Variants in SEMA6D observed in about 807,000 individuals in gnomAD.
SEMA6D encodes the protein semaphorin 6D.
A neutral mutation model predicts 106.6 loss-of-function variants in SEMA6D; 35 were observed. The observed-to-expected ratio is 0.33, with a 90% CI of 0.25 to 0.44. SEMA6D has a LOEUF of 0.44. Ranked by LOEUF, SEMA6D falls within the 20% of genes least tolerant of loss-of-function variation. The pLI is 1.00. For missense variants in SEMA6D, 1,185 were observed against 1,345.9 expected, an observed-to-expected ratio of 0.88 and a Z score of 1.87; for synonymous variants, 499 against 487.7, an observed-to-expected ratio of 1.02 and a Z score of -0.31.
At chr15:47,481,845 A>G (rs2141306451) in intron 3 of SEMA6D, among the ~76,000 whole-genome samples, 1 of 152,276 alleles carries the variant, frequency 6.6e-6, no homozygotes, top group East Asian at 1.9e-4. Flanking sequence ...AAATTATGTT[A>G]AGACTGAACA....
chr15:47,294,166 CA>C (rs1237403942), intron 1 of SEMA6D, among the ~76,000 whole-genome samples: 3 of 149,032 alleles, frequency 2.0e-5, no homozygotes, highest in South Asian at 2.1e-4. Flanking sequence ...GAAGGAAAAA[CA>C]AAAAAAAAGA....
intron 2 of SEMA6D, among the ~76,000 whole-genome samples, chr15:47,439,581 T>A (rs1169379947): frequency 2.0e-5 from 3 of 152,168 alleles, no homozygotes; most frequent in Admixed American, 6.6e-5. Context: ...CCATGGTGTA[T>A]CTTTTCATTA....
intron 1 of SEMA6D, among the ~76,000 whole-genome samples, chr15:47,232,524 AGGGT>A (rs1289800784): frequency 4.2e-5 from 2 of 47,890 alleles, no homozygotes; most frequent in South Asian, 3.0e-3. Context: ...CTATGGGGGG[AGGGT>A]GTGTGTGTGT....
rs192776284 is a variant in SEMA6D, at chr15:47,341,851, G to A, written c.-238-70542G>A. ...GGAAGGTCAGTTTCCCCAATAGTGA[G>A]CTCATTTTTAGTTTGCCTCCCACCC... On this transcript the variant is annotated intron_variant, in intron 1 of 19. Transcript: ENST00000558014. Among the ~76,000 whole-genome samples, 705 of 152,120 alleles carry A rather than the reference G, an allele frequency of 4.6e-3. 17 individuals carry two copies. Among genetic ancestry groups the A allele is most frequent in the Non-Finnish European group, 1.5e-3 (103 of 67,990 alleles).
chr15:47,665,541 G>A (rs922205067), intron 4 of SEMA6D, among the ~76,000 whole-genome samples: 5 of 152,194 alleles, frequency 3.3e-5, no homozygotes, highest in Admixed American at 2.0e-4. Flanking sequence ...CAGGCATGGT[G>A]GCTCACACCT....
chr15:47,612,796 G>C (rs953262859), intron 4 of SEMA6D, among the ~76,000 whole-genome samples: 12 of 151,650 alleles, frequency 7.9e-5, no homozygotes, highest in Non-Finnish European at 2.9e-5. Context: ...CTGGAATGTT[G>C]AGATTGACAA....
intron 3 of SEMA6D, among the ~76,000 whole-genome samples, chr15:47,570,931 G>A (rs2046365167): frequency 6.6e-6 from 1 of 152,208 alleles, no homozygotes; most frequent in South Asian, 2.1e-4. Flanking sequence ...CTGAAAAGAG[G>A]TGCAGACATT....
chr15:47,445,793 C>T (rs2042010435), intron 2 of SEMA6D, among the ~76,000 whole-genome samples: 1 of 152,046 alleles, frequency 6.6e-6, no homozygotes, highest in Non-Finnish European at 1.5e-5. Context: ...TCCTCCCCCT[C>T]AGCATATGTT....
chr15:47,266,606 A>G (rs1221816999), intron 1 of SEMA6D, among the ~76,000 whole-genome samples: 2 of 152,104 alleles, frequency 1.3e-5, no homozygotes, highest in East Asian at 1.9e-4. Context: ...CATCCCACAA[A>G]TAGAGGCTGG....
At chr15:47,337,932 C>T (rs894323968) in intron 1 of SEMA6D, among the ~76,000 whole-genome samples, 1 of 152,104 alleles carries the variant, frequency 6.6e-6, no homozygotes, top group African/African-American at 2.4e-5. Context: ...TTCCTTCCCC[C>T]AGAACTCCTA....
intron 3 of SEMA6D, among the ~76,000 whole-genome samples, chr15:47,552,886 A>ATTTT: frequency 6.7e-5 from 1 of 14,858 alleles, no homozygotes; most frequent in South Asian, 2.4e-3. Flanking sequence ...ATATAAATAT[A>ATTTT]TATAAATATA....
chr15:47,667,764 C>A (rs1015056315), intron 4 of SEMA6D, among the ~76,000 whole-genome samples: 1 of 152,082 alleles, frequency 6.6e-6, no homozygotes, highest in Admixed American at 6.5e-5. Context: ...GCCCCACCTC[C>A]AAATACCAGC....
rs2040033243 is a variant in SEMA6D, at chr15:47,391,586, T to C, written c.-238-20807T>C. Reference sequence around the variant, plus strand: ...TAAACTCACACTGACTGGAATGACCTATCAACACTAAATTGAACTGCACAT... The same window carrying C: ...TAAACTCACACTGACTGGAATGACCCATCAACACTAAATTGAACTGCACAT... On this transcript the variant is annotated intron_variant, in intron 1 of 19. Transcript: ENST00000558014. Among the ~76,000 whole-genome samples the C allele has an allele frequency of 2.6e-5, 4 of 152,074 alleles. No individual in the cohort carries two copies. The South Asian group carries it at 8.3e-4, about 31-fold the overall frequency.
At chr15:47,561,909 A>G (rs531935731) in intron 3 of SEMA6D, among the ~76,000 whole-genome samples, 1 of 152,062 alleles carries the variant, frequency 6.6e-6, no homozygotes, top group Non-Finnish European at 1.5e-5. Context: ...TGCTAAGTTA[A>G]GGTGCATATT....
At chr15:47,523,637 AAAG>A (rs1466569722) in intron 3 of SEMA6D, among the ~76,000 whole-genome samples, 1 of 152,196 alleles carries the variant, frequency 6.6e-6, no homozygotes, top group Admixed American at 6.5e-5. Flanking sequence ...GAAGGTAGAT[AAAG>A]AAGACTTGAT....
intron 1 of SEMA6D, chr15:47,360,155 G>A (rs974220321): frequency 1.3e-5 from 2 of 152,098 alleles, no homozygotes; most frequent in African/African-American, 4.8e-5. Flanking sequence ...GCCCATCAGT[G>A]AAGGGATTCT....
chr15:47,352,466 A>G (rs1253613389), intron 1 of SEMA6D, among the ~76,000 whole-genome samples: 1 of 152,178 alleles, frequency 6.6e-6, no homozygotes, highest in Admixed American at 6.5e-5. Context: ...TTCCTCCTTC[A>G]TGGCCTGAGA....
intron 1 of SEMA6D, among the ~76,000 whole-genome samples, chr15:47,208,009 A>ATG (rs1566926423): frequency 7.6e-6 from 1 of 131,982 alleles, no homozygotes; most frequent in African/African-American, 2.9e-5. Context: ...ACACACACAC[A>ATG]CACACACACA....
intron 4 of SEMA6D, among the ~76,000 whole-genome samples, chr15:47,698,828 A>G (rs1289728888): frequency 6.6e-6 from 1 of 152,078 alleles, no homozygotes; most frequent in Non-Finnish European, 1.5e-5. Context: ...ACAATATACT[A>G]TACTTACTAC....
Sources: allele counts gnomAD v4.1 joint callset (sites outside exome capture counted in the v4.1 genomes callset), GRCh38; gene constraint gnomAD v4.1.1; transcripts MANE v1.5; gene names NCBI Gene and HGNC (gene_info 2026-07-23, HGNC 2026-07-21).